Variants in SBF2 observed in about 807,000 individuals in gnomAD.
The protein encoded by SBF2 is myotubularin-related protein 13.
SBF2 carries 112 observed loss-of-function variants against 225.2 expected under a neutral mutation model. That is an observed-to-expected ratio of 0.50 (90% CI 0.43 to 0.58). SBF2 has a LOEUF of 0.58. Ranked by LOEUF, SBF2 falls within the 20% of genes least tolerant of loss-of-function variation. SBF2 has a pLI of 0.00. For synonymous variants in SBF2, 763 were observed against 773.3 expected (o/e 0.99, Z 0.22); for missense variants, 1,996 against 2,206.2 (o/e 0.90, Z 1.91).
chr11:10,198,024 T>C (rs886314572), intron 1 of SBF2, among the ~76,000 whole-genome samples: 4 of 152,164 alleles, frequency 2.6e-5, no homozygotes, highest in African/African-American at 9.6e-5. Flanking sequence ...TCCATAAGGG[T>C]TGGAATCAAC....
intron 13 of SBF2, among the ~76,000 whole-genome samples, chr11:9,978,732 T>C (rs948347732): frequency 6.6e-6 from 1 of 152,150 alleles, no homozygotes; most frequent in African/African-American, 2.4e-5. Context: ...AGCCTCAACC[T>C]TCTGGGCTCA....
chr11:10,131,473 G>C (rs1216962525), intron 2 of SBF2, among the ~76,000 whole-genome samples: 1 of 152,080 alleles, frequency 6.6e-6, no homozygotes, highest in Non-Finnish European at 1.5e-5. Flanking sequence ...TGCTCTTGTT[G>C]CCCAGGCTGG....
At chr11:9,919,606 T>A (rs928788129) in intron 16 of SBF2, among the ~76,000 whole-genome samples, 1 of 152,178 alleles carries the variant, frequency 6.6e-6, no homozygotes, top group Admixed American at 6.5e-5. Flanking sequence ...TTCACAGTGC[T>A]TTTCTATACA....
chr11:9,790,333 G>C (rs1338230857), intron 34 of SBF2, among the ~76,000 whole-genome samples: 1 of 152,166 alleles, frequency 6.6e-6, no homozygotes, highest in Non-Finnish European at 1.5e-5. Context: ...TTCCCTTCTA[G>C]GTTTTGAGAG....
chr11:9,851,733 T>C (rs890688164), intron 21 of SBF2, among the ~76,000 whole-genome samples: 1 of 152,192 alleles, frequency 6.6e-6, no homozygotes, highest in African/African-American at 2.4e-5. Context: ...CCTACCTGCC[T>C]TCCGCTCACT....
intron 2 of SBF2, among the ~76,000 whole-genome samples, chr11:10,130,333 G>T (rs773842798): frequency 6.6e-6 from 1 of 151,572 alleles, no homozygotes; most frequent in Non-Finnish European, 1.5e-5. Flanking sequence ...CTGTACTCCA[G>T]CCTGGGTGAC....
intron 17 of SBF2, 84 bp from the exon 18 acceptor site, chr11:9,858,480 A>G: frequency 1.5e-6 from 2 of 1,325,018 alleles, no homozygotes; most frequent in Non-Finnish European, 2.2e-6. Context: ...AGTTAATCAT[A>G]GATGAGATCA....
chr11:9,860,453 T>C (rs1016817597), intron 17 of SBF2, among the ~76,000 whole-genome samples: 1 of 151,856 alleles, frequency 6.6e-6, no homozygotes, highest in African/African-American at 2.4e-5. Context: ...GTAGCTTTTT[T>C]TTGTAGAAAA....
chr11:10,226,352 T>C (rs1958545751), intron 1 of SBF2, among the ~76,000 whole-genome samples: 1 of 152,142 alleles, frequency 6.6e-6, no homozygotes, highest in Non-Finnish European at 1.5e-5. Flanking sequence ...TATTATAGTT[T>C]AAGTTTTAGG....
intron 16 of SBF2, among the ~76,000 whole-genome samples, chr11:9,903,394 G>C (rs575412003): frequency 6.6e-6 from 1 of 152,262 alleles, no homozygotes; most frequent in South Asian, 2.1e-4. Context: ...AAATGTGTTA[G>C]TGGTGGCAAA....
rs1856817165 is a variant in SBF2, at chr11:9,850,124, G to A, written c.2705C>T (p.Thr902Ile). Residue 902 changes from threonine (T) to isoleucine (I), a missense_variant, in exon 22 of 40, where the codon ACT becomes ATT. Transcript: ENST00000256190. ...LLDPDGREEA[T>I]GGLLGGPQLL... Reference sequence around the variant, plus strand: ...CTGAGGGCCTCCAAGAAGACCTCCAGTAGCTTCTTCTCTTCCATCAGGATC... The same window carrying A: ...CTGAGGGCCTCCAAGAAGACCTCCAATAGCTTCTTCTCTTCCATCAGGATC... 1.9e-6 allele frequency: 3 copies of A among 1,613,836 alleles called. No homozygotes were observed. Among genetic ancestry groups the A allele is most frequent in the African/African-American group, 1.3e-5 (1 of 74,920 alleles).
chr11:9,971,916 G>A (rs775445480), intron 13 of SBF2, among the ~76,000 whole-genome samples: 97 of 152,222 alleles, frequency 6.4e-4, no homozygotes, highest in Non-Finnish European at 9.6e-4. Flanking sequence ...TATTAGTGAA[G>A]GGTTAAAAGG....
chr11:10,163,556 T>C (rs1161180510), intron 2 of SBF2, among the ~76,000 whole-genome samples: 1 of 152,212 alleles, frequency 6.6e-6, no homozygotes, highest in African/African-American at 2.4e-5. Flanking sequence ...GCACTTGATG[T>C]GTATTAAGTA....
rs1866828886 is a variant in SBF2 at position 9,965,296 on chromosome 11, AC to A, written c.1601-1415del. Among the ~76,000 whole-genome samples the A allele has an allele frequency of 2.7e-5, 4 of 147,912 alleles. No individual in the cohort carries two copies. In the South Asian group the frequency reaches 8.5e-4, roughly 31 times the overall value. ...CTATATTCGTCAAATAATGTTTTAAACTTTTTTTTTTTTTTTTTTTTTGAGA... is the reference window on the plus strand; with the variant it reads ...CTATATTCGTCAAATAATGTTTTAAATTTTTTTTTTTTTTTTTTTTTGAGA... On this transcript the variant is annotated intron_variant, in intron 14 of 39. Transcript: ENST00000256190.
At chr11:10,294,267 G>C (rs774532664), upstream of SBF2, 21 of 388,098 alleles carry the variant, frequency 5.4e-5, 1 homozygote, top group Middle Eastern at 7.0e-4. Flanking sequence ...CCCCACCCGC[G>C]CTGGCTCGGC....
chr11:9,851,760 T>C (rs185321363), intron 21 of SBF2, among the ~76,000 whole-genome samples: 4 of 152,256 alleles, frequency 2.6e-5, no homozygotes, highest in East Asian at 3.9e-4. Flanking sequence ...ACTAAATGAA[T>C]GAATTTACCT....
At chr11:10,207,900 C>T (rs1457720182) in intron 1 of SBF2, among the ~76,000 whole-genome samples, 1 of 152,096 alleles carries the variant, frequency 6.6e-6, no homozygotes, top group African/African-American at 2.4e-5. Flanking sequence ...ATCCATTTCC[C>T]TTAACTTCTG....
chr11:10,165,110 T>C (rs1424801851), intron 2 of SBF2: 1 of 152,218 alleles, frequency 6.6e-6, no homozygotes, highest in African/African-American at 2.4e-5. Context: ...TTCTGACCTA[T>C]ACCTCGGGCC....
At chr11:9,950,232 T>C (rs906345940) in intron 16 of SBF2, among the ~76,000 whole-genome samples, 1 of 152,098 alleles carries the variant, frequency 6.6e-6, no homozygotes, top group African/African-American at 2.4e-5. Flanking sequence ...CCTGACAATG[T>C]AGAAATCCTT....
Sources: gnomAD v4.1 joint callset for allele counts (sites outside exome capture counted in the v4.1 genomes callset) on GRCh38, gnomAD v4.1.1 for gene constraint, MANE v1.5 for transcripts, NCBI Gene and HGNC (gene_info 2026-07-23, HGNC 2026-07-21) for gene names.